Variants in NLRC3 observed in about 807,000 individuals in gnomAD.
NLRC3 encodes the protein NLR family CARD domain containing 3, also known as NLR family CARD domain-containing protein 3.
In NLRC3, 87 loss-of-function variants were observed where a neutral mutation model predicts 91.6. The observed-to-expected ratio is 0.95, with a 90% CI of 0.80 to 1.14. NLRC3 has a LOEUF of 1.14. Ranked by LOEUF, NLRC3 falls within the 50% of genes most tolerant of loss-of-function variation. The pLI, the probability that NLRC3 is intolerant of heterozygous loss-of-function variation, is 0.00. For missense variants in NLRC3, 1,577 were observed against 1,418.6 expected (o/e 1.11, Z -1.79); for synonymous variants, 694 against 625.3 (o/e 1.11, Z -1.64).
chr16:3,560,559 C>T (rs180800616), intron 6 of NLRC3, among the ~76,000 whole-genome samples: 258 of 152,330 alleles, frequency 1.7e-3, no homozygotes, highest in Admixed American at 3.0e-3. Flanking sequence ...TTTCTCAGAT[C>T]CAGGAATGTT....
rs745377382 is a variant in NLRC3, at chr16:3,563,104, G to A, written c.1833C>T (p.Ser611=). The A allele has an allele frequency of 7.7e-5, 121 of 1,577,474 alleles. 1 individual carries two copies. The highest frequency in any genetic ancestry group is 5.4e-4 in the South Asian group (47 of 86,292). ...GGTTGGCCTCCTGGGCACAGGCGTC[G>A]GACACCTGCAGGAGGTAGGCCAGGG... ...RAALAYLLQV[S]DACAQEANLS... The change falls in exon 5 of 20, where the codon TCC becomes TCT. Residue 611 remains serine (S), a synonymous_variant. Coordinates refer to ENST00000359128, the MANE Select transcript of NLRC3 (RefSeq NM_178844.4).
At position 3,543,448 on chromosome 16, in the gene NLRC3, C is replaced by T. The variant is rs745379044; in HGVS notation, c.2916G>A (p.Val972=). 1.9e-6 allele frequency: 3 copies of T among 1,612,588 alleles called. No homozygotes were observed. Among genetic ancestry groups the T allele is most frequent in the East Asian group, 2.2e-5 (1 of 44,870 alleles). ...ACTCGAGAATCTCCAAGGTTCTGTT[C>T]ACAGCCAAGGCTTCCCCTAGCACCT... ...GAQVLGEALA[V]NRTLEILDLR... Residue 972 remains valine, a synonymous_variant, in exon 17 of 20, where the codon GTG becomes GTA. Coordinates refer to ENST00000359128, the MANE Select transcript of NLRC3 (RefSeq NM_178844.4).
At chr16:3,565,695 T>A (rs1596485131) in intron 2 of NLRC3, among the ~76,000 whole-genome samples, 1 of 151,760 alleles carries the variant, frequency 6.6e-6, no homozygotes, top group Non-Finnish European at 1.5e-5. Flanking sequence ...CAGTGGTGGG[T>A]CCATGTCATT....
chr16:3,554,089 C>G (rs901529416), intron 9 of NLRC3, among the ~76,000 whole-genome samples, 153 bp downstream of exon 9: 1 of 152,050 alleles, frequency 6.6e-6, no homozygotes, highest in African/African-American at 2.4e-5. Flanking sequence ...GCTGCTCTCT[C>G]GAAAAGTAAT....
chr16:3,556,404 C>T (rs2039333218), intron 8 of NLRC3, among the ~76,000 whole-genome samples: 1 of 147,264 alleles, frequency 6.8e-6, no homozygotes, highest in South Asian at 2.2e-4. Flanking sequence ...AGGCCACACA[C>T]ACAGGCTCAA....
At chr16:3,550,546 A>G (rs752698824) in intron 10 of NLRC3, 49 bp from the exon 11 acceptor site, 21 of 1,385,186 alleles carry the variant, frequency 1.5e-5, no homozygotes, top group Admixed American at 3.4e-5. Flanking sequence ...GCTGCCAGGC[A>G]GGGCTGGGCA....
chr16:3,542,615 C>T, intron 18 of NLRC3, 77 bp downstream of exon 18: 3 of 801,972 alleles, frequency 3.7e-6, no homozygotes, highest in Middle Eastern at 2.3e-4. Context: ...AAATCAGGAG[C>T]ATTTTATTCC....
intron 12 of NLRC3, 40 bp from the exon 13 acceptor site, chr16:3,549,265 ATGAGG>A (rs2038870500): frequency 2.7e-6 from 4 of 1,455,364 alleles, no homozygotes; most frequent in Non-Finnish European, 3.8e-6. Flanking sequence ...GACCGGGCAG[ATGAGG>A]TGTCTGGCAA....
At chr16:3,550,560 G>C in intron 10 of NLRC3, 63 bp from the exon 11 acceptor site, 1 of 1,253,452 alleles carries the variant, frequency 8.0e-7, no homozygotes, top group Non-Finnish European at 1.2e-6. Context: ...CTGGGCAGAG[G>C]GATCAGAGTC....
chr16:3,574,220 G>C (rs376545447), intron 1 of NLRC3, among the ~76,000 whole-genome samples: 1 of 151,700 alleles, frequency 6.6e-6, no homozygotes, highest in East Asian at 1.9e-4. Context: ...TCACCATGTT[G>C]GCCAGGCTGG....
chr16:3,567,874 C>G (rs909509961), intron 1 of NLRC3, among the ~76,000 whole-genome samples: 2 of 134,658 alleles, frequency 1.5e-5, no homozygotes, highest in African/African-American at 5.4e-5. Context: ...TTCTTTCTTT[C>G]TTTTTTTTTT....
chr16:3,544,297 G>C lies in NLRC3; in HGVS notation c.2804C>G (p.Ala935Gly), dbSNP rs756070002. ...LQENAIGDDG[A>G]CAVARALKVN... ...CTTCAGTGCACGGGCCACCGCACACGCTCCGTCATCCCCGATGGCGTTCTC... is the reference window on the plus strand; with the variant it reads ...CTTCAGTGCACGGGCCACCGCACACCCTCCGTCATCCCCGATGGCGTTCTC... The change falls in exon 16 of 20, where the codon GCG becomes GGG. Residue 935 changes from alanine to glycine, a missense_variant. Physicochemically the swap from Ala to Gly is moderately conservative, Grantham distance 60 (BLOSUM62 0). Transcript: ENST00000359128. 3.7e-6 allele frequency: 6 copies of C among 1,613,226 alleles called. No individual in the cohort carries two copies. Among genetic ancestry groups the C allele is most frequent in the Non-Finnish European group, 5.1e-6 (6 of 1,179,282 alleles).
At chr16:3,567,548 C>G (rs920368873) in intron 1 of NLRC3, among the ~76,000 whole-genome samples, 19 of 151,738 alleles carry the variant, frequency 1.3e-4, no homozygotes, top group African/African-American at 4.4e-4. Flanking sequence ...CTGAGGCAGG[C>G]GGATCACCTG....
intron 6 of NLRC3, among the ~76,000 whole-genome samples, chr16:3,558,440 G>C (rs1169394830): frequency 6.6e-6 from 1 of 152,084 alleles, no homozygotes; most frequent in African/African-American, 2.4e-5. Flanking sequence ...CCTCCACCTT[G>C]CAAAATTCCT....
intron 1 of NLRC3, among the ~76,000 whole-genome samples, chr16:3,576,174 G>T (rs920678402): frequency 2.6e-5 from 4 of 152,150 alleles, no homozygotes; most frequent in African/African-American, 7.2e-5. Flanking sequence ...CTCCAGGGAG[G>T]GGTCCAGAAA....
Position 3,563,115 on chromosome 16 carries a change from G to A in NLRC3, c.1822C>T (p.Leu608=). ...TGGGCACAGGCGTCGGACACCTGCA[G>A]GAGGTAGGCCAGGGCAGCGCGGTGC... is the stretch of plus-strand genomic sequence containing the variant. ...PAHRAALAYL[L]QVSDACAQEA... Residue 608 remains leucine (L), a synonymous_variant, in exon 5 of 20, where the codon CTG becomes TTG. Transcript: ENST00000359128. The A allele has an allele frequency of 6.3e-7, 1 of 1,580,516 alleles. No homozygotes were observed. Among genetic ancestry groups the A allele is most frequent in the Non-Finnish European group, 8.6e-7 (1 of 1,164,172 alleles).
Position 3,561,656 on chromosome 16 carries a change from CCCA to C in NLRC3, c.2015+43_2015+45del, listed in dbSNP as rs1382295380. 6.8e-6 allele frequency: 9 copies of C among 1,331,410 alleles called. No homozygotes were observed. In the East Asian group the frequency reaches 2.1e-4, roughly 31 times the overall value. 82.5% of individuals were successfully genotyped at this position (1,331,410 alleles called of 1,614,324 possible). On this transcript the variant is annotated intron_variant, in intron 6 of 19. Coordinates refer to ENST00000359128, the MANE Select transcript of NLRC3 (RefSeq NM_178844.4). ...GGATGATGGGAAGAGGGTTCCATAC[CCCA>C]CAAGACCATAGGCACCCTGGAGGTC...
chr16:3,542,945 T>C (rs1448051766), intron 17 of NLRC3, 170 bp from the exon 18 acceptor site: 1 of 588,152 alleles, frequency 1.7e-6, no homozygotes, highest in Non-Finnish European at 3.0e-6. Flanking sequence ...GAGCTGGCTC[T>C]GGGAAGCAGG....
At position 3,548,503 on chromosome 16, in the gene NLRC3, G is replaced by A. The variant is rs139020291; in HGVS notation, c.2687+167C>T. 7.7e-3 allele frequency among the ~76,000 whole-genome samples: 1,173 copies of A among 152,352 alleles called. 5 individuals carry two copies. The highest frequency in any genetic ancestry group is 0.012 in the Non-Finnish European group (831 of 68,030). The stretch of plus-strand genomic sequence containing the variant: ...ACATGTCTGTCTGTGGGTCAGGAGA[G>A]CACAGGATGGGGCACAGTCTGCTGG... On this transcript the variant is annotated intron_variant, in intron 14 of 19. Transcript: ENST00000359128.
Sources: gnomAD v4.1 joint callset for allele counts (sites outside exome capture counted in the v4.1 genomes callset) on GRCh38, gnomAD v4.1.1 for gene constraint, MANE v1.5 for transcripts, NCBI Gene and HGNC (gene_info 2026-07-23, HGNC 2026-07-21) for gene names.